C8orf34: variants seen among roughly 807,000 people sequenced by gnomAD.
C8orf34 encodes uncharacterized protein C8orf34.
In C8orf34, 65 loss-of-function variants were observed where a neutral mutation model predicts 68.3. That is an observed-to-expected ratio of 0.95 (90% CI 0.78 to 1.17). The LOEUF (loss-of-function observed/expected upper bound fraction) is 1.17. Ranked by LOEUF, C8orf34 falls within the 50% of genes most tolerant of loss-of-function variation. The pLI, the probability that C8orf34 is intolerant of heterozygous loss-of-function variation, is 0.00. For synonymous variants in C8orf34, 244 were observed against 241.2 expected (o/e 1.01, Z -0.11); for missense variants, 664 against 655.4 (o/e 1.01, Z -0.14).
Position 68,331,007 on chromosome 8 carries a change from C to G in C8orf34, c.-6C>G. 7.1e-7 allele frequency: 1 copy of G among 1,413,948 alleles called. No homozygotes were observed. The highest frequency in any genetic ancestry group is 9.1e-7 in the Non-Finnish European group (1 of 1,096,820). 87.6% of individuals were successfully genotyped at this position (1,413,948 alleles called of 1,614,324 possible). On this transcript the variant is annotated 5_prime_UTR_variant, in exon 1 of 14. Transcript: ENST00000518698. ...GAGGGTGGGCGCGAGGCGGAGAACG[C>G]GATGAATGAGTTCTCCCCTCGCCTC...
chr8:68,695,649 A>G (rs2130919321), intron 8 of C8orf34: 1 of 152,258 alleles, frequency 6.6e-6, no homozygotes, highest in Middle Eastern at 3.4e-3. Flanking sequence ...CTGAAATCAG[A>G]ATTATCACAC....
intron 10 of C8orf34, among the ~76,000 whole-genome samples, chr8:68,744,733 G>C (rs1374657973): frequency 6.6e-6 from 1 of 152,218 alleles, no homozygotes; most frequent in Non-Finnish European, 1.5e-5. Flanking sequence ...ATGGGACTAT[G>C]TGAAAAGACC....
At chr8:68,505,905 AGTT>A (rs1813999810) in intron 5 of C8orf34, among the ~76,000 whole-genome samples, 1 of 152,194 alleles carries the variant, frequency 6.6e-6, no homozygotes, top group South Asian at 2.1e-4. Context: ...TACTTTCAAA[AGTT>A]GTTATGACTG....
At chr8:68,658,807 A>G (rs1166388759) in intron 8 of C8orf34, among the ~76,000 whole-genome samples, 3 of 152,072 alleles carry the variant, frequency 2.0e-5, no homozygotes, top group Admixed American at 6.6e-5. Context: ...AATTATGTAA[A>G]ATCTTGTTTT....
intron 1 of C8orf34, among the ~76,000 whole-genome samples, chr8:68,351,908 G>A (rs1188389069): frequency 6.6e-6 from 1 of 151,952 alleles, no homozygotes; most frequent in East Asian, 1.9e-4. Context: ...GGTGTGTAGT[G>A]GAATCTCATT....
intron 10 of C8orf34, among the ~76,000 whole-genome samples, chr8:68,769,679 T>C (rs951589751): frequency 2.0e-4 from 30 of 152,174 alleles, no homozygotes; most frequent in African/African-American, 5.8e-4. Context: ...AACTTTATGA[T>C]TTGTATAGAT....
intron 1 of C8orf34, among the ~76,000 whole-genome samples, chr8:68,420,593 A>C (rs1318687934): frequency 6.6e-6 from 1 of 152,142 alleles, no homozygotes; most frequent in African/African-American, 2.4e-5. Context: ...AGTAGAAATA[A>C]TAAACAATAG....
chr8:68,566,095 C>A (rs999626568), intron 7 of C8orf34, among the ~76,000 whole-genome samples: 1 of 152,168 alleles, frequency 6.6e-6, no homozygotes, highest in Non-Finnish European at 1.5e-5. Flanking sequence ...TACAATTATA[C>A]ATCCATGGTT....
intron 8 of C8orf34, among the ~76,000 whole-genome samples, chr8:68,651,112 A>C (rs1335142689): frequency 6.6e-6 from 1 of 152,146 alleles, no homozygotes; most frequent in Non-Finnish European, 1.5e-5. Flanking sequence ...GATTATCGAG[A>C]GGCGGATTTC....
intron 2 of C8orf34, among the ~76,000 whole-genome samples, chr8:68,440,147 A>C (rs1810840264): frequency 6.6e-6 from 1 of 152,186 alleles, no homozygotes; most frequent in Non-Finnish European, 1.5e-5. Flanking sequence ...AGTGTATCAT[A>C]GCCTCCTCTC....
At chr8:68,404,729 T>G (rs1219096305) in intron 1 of C8orf34, among the ~76,000 whole-genome samples, 1 of 152,228 alleles carries the variant, frequency 6.6e-6, no homozygotes, top group Non-Finnish European at 1.5e-5. Context: ...TTTCCATTGG[T>G]CTAGAAATCT....
chr8:68,359,944 C>T (rs989400808), intron 1 of C8orf34, among the ~76,000 whole-genome samples: 3 of 152,062 alleles, frequency 2.0e-5, no homozygotes, highest in African/African-American at 7.2e-5. Flanking sequence ...CACAGCATGC[C>T]TATTTCACAA....
chr8:68,496,665 T>G (rs1463720479), intron 5 of C8orf34, among the ~76,000 whole-genome samples: 1 of 152,228 alleles, frequency 6.6e-6, no homozygotes, highest in African/African-American at 2.4e-5. Flanking sequence ...TAAGAATGTC[T>G]TTTCACCAGA....
intron 1 of C8orf34, among the ~76,000 whole-genome samples, chr8:68,362,299 T>C (rs1023389944): frequency 1.3e-5 from 2 of 152,212 alleles, no homozygotes; most frequent in Non-Finnish European, 2.9e-5. Context: ...ATAGAGTTTA[T>C]ACACATTCTC....
intron 1 of C8orf34, among the ~76,000 whole-genome samples, chr8:68,353,097 C>G (rs1407828127): frequency 6.6e-6 from 1 of 151,958 alleles, no homozygotes; most frequent in Admixed American, 6.6e-5. Flanking sequence ...AGTAGGGAAA[C>G]CCATGGGCTA....
chr8:68,689,429 G>A (rs12675138), intron 8 of C8orf34, among the ~76,000 whole-genome samples: 41,422 of 151,826 alleles, frequency 0.27, 6,095 homozygotes, highest in East Asian at 0.56. Flanking sequence ...GAAAAATAAC[G>A]CTTAAAAAAA....
At chr8:68,434,372 A>C (rs1435871607) in intron 1 of C8orf34, among the ~76,000 whole-genome samples, 1 of 151,664 alleles carries the variant, frequency 6.6e-6, no homozygotes, top group Non-Finnish European at 1.5e-5. Context: ...TCATTGTTCA[A>C]CTCCCACTTA....
chr8:68,477,995 G>A (rs1474430203), intron 4 of C8orf34, among the ~76,000 whole-genome samples: 1 of 152,154 alleles, frequency 6.6e-6, no homozygotes, highest in Non-Finnish European at 1.5e-5. Flanking sequence ...ACCTTTGATG[G>A]GAGGGGCTGC....
At chr8:68,715,903 A>G (rs1266978787) in intron 9 of C8orf34, among the ~76,000 whole-genome samples, 1 of 152,228 alleles carries the variant, frequency 6.6e-6, no homozygotes, top group African/African-American at 2.4e-5. Flanking sequence ...TTGCAAAAAT[A>G]TGGAACCAGC....
Sources: gnomAD v4.1 joint callset for allele counts (sites outside exome capture counted in the v4.1 genomes callset) on GRCh38, gnomAD v4.1.1 for gene constraint, MANE v1.5 for transcripts, NCBI Gene and HGNC (gene_info 2026-07-23, HGNC 2026-07-21) for gene names.